Variants in DIP2C observed in about 807,000 individuals in gnomAD.
The protein encoded by DIP2C is DIP2 acetate--CoA ligase C (putative).
In DIP2C, 33 loss-of-function variants were observed where a neutral mutation model predicts 192.4. That is an observed-to-expected ratio of 0.17 (90% CI 0.13 to 0.23). The LOEUF is 0.23. DIP2C is among the 10% of genes least tolerant of loss of function. The probability of loss-of-function intolerance (pLI) is 1.00; values close to 1 mark genes in which losing one functional copy is unlikely to be tolerated. For missense variants in DIP2C, 1,537 were observed against 2,110.1 expected, an observed-to-expected ratio of 0.73 and a Z score of 5.32; for synonymous variants, 979 against 864.1, an observed-to-expected ratio of 1.13 and a Z score of -2.33.
chr10:609,267 A>G (rs1588594106), intron 1 of DIP2C, among the ~76,000 whole-genome samples: 1 of 152,236 alleles, frequency 6.6e-6, no homozygotes, highest in Non-Finnish European at 1.5e-5. Context: ...TGGAATTAAC[A>G]GGACAAGTTT....
chr10:541,773 G>A (rs1024773465), intron 1 of DIP2C, among the ~76,000 whole-genome samples: 7 of 150,962 alleles, frequency 4.6e-5, no homozygotes, highest in Non-Finnish European at 8.8e-5. Flanking sequence ...GGACCCCACA[G>A]CGTGACCCTT....
At chr10:420,081 G>A (rs994504850) in intron 5 of DIP2C, among the ~76,000 whole-genome samples, 1 of 152,214 alleles carries the variant, frequency 6.6e-6, no homozygotes, top group Non-Finnish European at 1.5e-5. Flanking sequence ...GGATCACCCC[G>A]CCACTGTCCC....
At position 297,436 on chromosome 10, in the gene DIP2C, C is replaced by CA. The variant is rs149222109; in HGVS notation, c.3987-9016dup. ...GATATGAATCCACCCAGGAGTCCAA[C>CA]AGCAGATGAATGGATATGGAAGGTG... is the stretch of plus-strand genomic sequence containing the variant. On this transcript the variant is annotated intron_variant, in intron 32 of 36. Transcript: ENST00000280886. 8.7e-3 allele frequency among the ~76,000 whole-genome samples: 1,329 copies of CA among 152,238 alleles called. 6 individuals are homozygous for CA. Among genetic ancestry groups the CA allele is most frequent in the Non-Finnish European group, 0.014 (923 of 68,020 alleles).
chr10:574,089 CT>C (rs1201940135), intron 1 of DIP2C, among the ~76,000 whole-genome samples: 2 of 152,188 alleles, frequency 1.3e-5, no homozygotes, highest in Non-Finnish European at 2.9e-5. Flanking sequence ...AACTTCAATG[CT>C]TTTCTCAATT....
At chr10:315,749 A>C (rs756261773) in intron 31 of DIP2C, among the ~76,000 whole-genome samples, 4 of 152,180 alleles carry the variant, frequency 2.6e-5, no homozygotes, top group Non-Finnish European at 5.9e-5. Flanking sequence ...TAGGTCTTCA[A>C]ATTGTTCTCT....
At chr10:568,780 A>C (rs1186410854) in intron 1 of DIP2C, among the ~76,000 whole-genome samples, 16 of 145,510 alleles carry the variant, frequency 1.1e-4, no homozygotes, top group Non-Finnish European at 2.0e-4. Flanking sequence ...AAAAAAAAAA[A>C]AAAAAAAAAA....
intron 1 of DIP2C, among the ~76,000 whole-genome samples, chr10:533,379 C>T (rs111609053): frequency 6.6e-6 from 1 of 152,290 alleles, no homozygotes; most frequent in Admixed American, 6.5e-5. Context: ...ACAGCTTTCT[C>T]AAGGCCGCAC....
In DIP2C at chr10:374,858, G is replaced by A. The variant is rs116662812; in HGVS notation, c.1992-5225C>T. ...ACATCCACCTTAATAATCAATATCA[G>A]TACATTAAAAAATGGCTAATAAAGG... On this transcript the variant is annotated intron_variant, in intron 17 of 36. Coordinates refer to ENST00000280886, the MANE Select transcript of DIP2C (RefSeq NM_014974.3). Among the ~76,000 whole-genome samples, 419 of 152,290 alleles carry A rather than the reference G, an allele frequency of 2.8e-3. 1 individual carries two copies. The highest frequency in any genetic ancestry group is 9.7e-3 in the African/African-American group (402 of 41,564).
chr10:432,421 CTTT>C (rs1966869850), intron 4 of DIP2C, among the ~76,000 whole-genome samples: 1 of 152,124 alleles, frequency 6.6e-6, no homozygotes, highest in African/African-American at 2.4e-5. Context: ...CAGATTCTGT[CTTT>C]AAAGAAATTG....
intron 1 of DIP2C, among the ~76,000 whole-genome samples, chr10:564,961 CAG>C (rs1849385676): frequency 1.3e-5 from 2 of 152,208 alleles, no homozygotes; most frequent in African/African-American, 2.4e-5. Context: ...CATTAGAACT[CAG>C]TGAGTTTAAC....
At chr10:357,191 G>A (rs1959122202) in intron 23 of DIP2C, among the ~76,000 whole-genome samples, 1 of 152,228 alleles carries the variant, frequency 6.6e-6, no homozygotes, top group Admixed American at 6.5e-5. Flanking sequence ...TGGGAAACAG[G>A]AAGGCCGAAC....
chr10:334,706 C>T (rs1273048679), intron 29 of DIP2C, among the ~76,000 whole-genome samples: 3 of 152,148 alleles, frequency 2.0e-5, no homozygotes, highest in Admixed American at 1.3e-4. Context: ...TTGAATTGCT[C>T]GGGTAACTCT....
Position 440,881 on chromosome 10 carries a change from G to T in DIP2C, c.384C>A (p.Tyr128Ter). 6.2e-7 allele frequency: 1 copy of T among 1,612,694 alleles called. No individual in the cohort carries two copies. Residue 128 changes from tyrosine to a stop codon, truncating the protein, a stop_gained, in exon 4 of 37, where the codon TAC becomes TAA. Transcript: ENST00000280886. LOFTEE classifies it high-confidence loss of function. ...GAGCGTGTCCCTTACCTGGAGGGGT[G>T]TAGGCGTCCATCGAGGTCTGCACGA... ...SLVVQTSMDA[Y>*]TPPDTSSGSE...
At chr10:570,236 T>C (rs905430678) in intron 1 of DIP2C, among the ~76,000 whole-genome samples, 1 of 152,156 alleles carries the variant, frequency 6.6e-6, no homozygotes, top group Non-Finnish European at 1.5e-5. Flanking sequence ...GAAGACACTA[T>C]GTAGATCATC....
chr10:521,871 A>G (rs1846728383), intron 1 of DIP2C, among the ~76,000 whole-genome samples: 1 of 152,006 alleles, frequency 6.6e-6, no homozygotes, highest in South Asian at 2.1e-4. Flanking sequence ...CACAGCCTCC[A>G]TCATTCCCCC....
chr10:362,369 C>T lies in DIP2C; in HGVS notation c.2794+121G>A, dbSNP rs180872402. ...CCATTCTATTTTCTTGGGGTAACCACTTCTTTCCCGCAAGCATCAGCTTCC... is the reference window on the plus strand; with the variant it reads ...CCATTCTATTTTCTTGGGGTAACCATTTCTTTCCCGCAAGCATCAGCTTCC... On this transcript the variant is annotated intron_variant, in intron 22 of 36. Transcript: ENST00000280886. The T allele has an allele frequency of 1.6e-3, 1,936 of 1,202,724 alleles. 45 individuals are homozygous for T. The Admixed American group carries it at 0.049, about 30-fold the overall frequency. The allele number at this position is 1,202,724 out of a possible 1,614,324, so 74.5% of individuals were successfully genotyped here.
chr10:410,707 A>C (rs1332473657), intron 8 of DIP2C, among the ~76,000 whole-genome samples: 1 of 152,254 alleles, frequency 6.6e-6, no homozygotes, highest in South Asian at 2.1e-4. Flanking sequence ...CTAGTTTGTG[A>C]AAGTTTCAAC....
chr10:283,990 G>C (rs1954969379), intron 34 of DIP2C, among the ~76,000 whole-genome samples: 1 of 152,212 alleles, frequency 6.6e-6, no homozygotes, highest in Non-Finnish European at 1.5e-5. Flanking sequence ...GGTAAGCAAA[G>C]ACTGATATGG....
At chr10:337,052 GTGT>G (rs1957831895) in intron 29 of DIP2C, among the ~76,000 whole-genome samples, 2 of 123,896 alleles carry the variant, frequency 1.6e-5, no homozygotes, top group African/African-American at 6.9e-5. Flanking sequence ...CTAGACTGGT[GTGT>G]GTGTGTGTGT....
Sources: gnomAD v4.1 joint callset for allele counts (sites outside exome capture counted in the v4.1 genomes callset) on GRCh38, gnomAD v4.1.1 for gene constraint, MANE v1.5 for transcripts, NCBI Gene and HGNC (gene_info 2026-07-23, HGNC 2026-07-21) for gene names.